Variants in ITCH observed in about 807,000 individuals in gnomAD.
ITCH encodes itchy E3 ubiquitin protein ligase.
ITCH carries 28 observed loss-of-function variants against 126.8 expected under a neutral mutation model. The observed-to-expected ratio is 0.22, with a 90% CI of 0.16 to 0.30. ITCH has a LOEUF of 0.30. ITCH is among the 10% of genes least tolerant of loss of function. The pLI is 1.00. For missense variants in ITCH, 631 were observed against 1,032.4 expected (o/e 0.61, Z 5.33); for synonymous variants, 342 against 340.0 (o/e 1.01, Z -0.06).
At chr20:34,438,343 C>G in intron 7 of ITCH, 131 bp from the exon 8 acceptor site, 1 of 908,532 alleles carries the variant, frequency 1.1e-6, no homozygotes, top group South Asian at 1.5e-5. Flanking sequence ...TAAGGCTGAC[C>G]AGAAATTAAA....
chr20:34,449,280 T>C, intron 11 of ITCH, 131 bp from the exon 12 acceptor site: 2 of 629,798 alleles, frequency 3.2e-6, no homozygotes, highest in South Asian at 2.0e-5. Context: ...TCCATAACCA[T>C]GTGACACTTC....
At chr20:34,449,563 A>G (rs1169109991) in intron 12 of ITCH, 83 bp downstream of exon 12, 26 of 933,804 alleles carry the variant, frequency 2.8e-5, no homozygotes, top group Non-Finnish European at 4.6e-5. Context: ...ACAGATATTT[A>G]TGTCTGATAC....
At chr20:34,449,973 G>GTGA (rs1030194198) in intron 12 of ITCH, among the ~76,000 whole-genome samples, 5 of 152,148 alleles carry the variant, frequency 3.3e-5, no homozygotes, top group Non-Finnish European at 5.9e-5. Flanking sequence ...GGGGTTTTAC[G>GTGA]TGATGATGAT....
intron 8 of ITCH, 136 bp downstream of exon 8, chr20:34,438,767 C>T (rs910155380): frequency 8.3e-7 from 1 of 1,205,274 alleles, no homozygotes; most frequent in South Asian, 1.2e-5. Flanking sequence ...AAAGAATGAT[C>T]TTTCTGTAGG....
chr20:34,475,642 G>A (rs370358004), intron 16 of ITCH, among the ~76,000 whole-genome samples: 1 of 151,778 alleles, frequency 6.6e-6, no homozygotes, highest in Non-Finnish European at 1.5e-5. Context: ...GAGGGAGACC[G>A]TGGAAAGAGA....
intron 3 of ITCH, among the ~76,000 whole-genome samples, chr20:34,398,155 T>C (rs6088484): frequency 0.55 from 83,110 of 151,644 alleles, 23,276 homozygotes; most frequent in Admixed American, 0.64. Flanking sequence ...CTTGATCTCC[T>C]GGGGTCAGGT....
chr20:34,385,173 A>G (rs534387359), intron 2 of ITCH, among the ~76,000 whole-genome samples: 3 of 143,188 alleles, frequency 2.1e-5, no homozygotes, highest in East Asian at 2.1e-4. Flanking sequence ...ACATGCCACC[A>G]CGTCCAGCTA....
intron 17 of ITCH, 176 bp downstream of exon 17, chr20:34,478,036 TTCTA>T: frequency 1.3e-6 from 1 of 744,532 alleles, no homozygotes; most frequent in Non-Finnish European, 2.1e-6. Flanking sequence ...ATTCAGCACT[TTCTA>T]TGTCATGTAC....
chr20:34,403,859 T>C (rs957170063), intron 3 of ITCH, among the ~76,000 whole-genome samples: 1 of 152,178 alleles, frequency 6.6e-6, no homozygotes, highest in Non-Finnish European at 1.5e-5. Context: ...GGAATGAAAG[T>C]ACATGGCCCA....
At chr20:34,380,995 C>T (rs2038039074) in intron 2 of ITCH, among the ~76,000 whole-genome samples, 3 of 151,466 alleles carry the variant, frequency 2.0e-5, no homozygotes, top group Non-Finnish European at 4.4e-5. Context: ...ACCATGTTGG[C>T]CAGGCTGGTC....
chr20:34,396,253 C>G (rs923187249), intron 3 of ITCH, among the ~76,000 whole-genome samples: 1 of 151,754 alleles, frequency 6.6e-6, no homozygotes, highest in Non-Finnish European at 1.5e-5. Context: ...AGGCTGGTCT[C>G]GAACTCCTGA....
chr20:34,399,262 C>T (rs573037977), intron 3 of ITCH, among the ~76,000 whole-genome samples: 1 of 152,148 alleles, frequency 6.6e-6, no homozygotes, highest in South Asian at 2.1e-4. Context: ...CATGGTGGCA[C>T]ATGCCTGTAA....
chr20:34,390,650 A>T (rs1016271124), intron 2 of ITCH, among the ~76,000 whole-genome samples: 1 of 151,852 alleles, frequency 6.6e-6, no homozygotes, highest in African/African-American at 2.4e-5. Context: ...AGGTTTCACT[A>T]TGTTGGCCAG....
At chr20:34,395,932 T>C (rs1256213278) in intron 3 of ITCH, among the ~76,000 whole-genome samples, 2 of 152,130 alleles carry the variant, frequency 1.3e-5, no homozygotes, top group African/African-American at 4.8e-5. Flanking sequence ...TGAGAATGTA[T>C]GTTTTCAGTT....
intron 2 of ITCH, among the ~76,000 whole-genome samples, chr20:34,378,469 C>A: frequency 2.4e-5 from 1 of 41,100 alleles, no homozygotes; most frequent in African/African-American, 1.3e-4. Context: ...GAAACTCTGT[C>A]TCAAAAAAAA....
rs1418107546 is a variant in ITCH at position 34,509,703 on chromosome 20, GA to G, written c.*1915del. The G allele has an allele frequency of 1.3e-5, 2 of 152,478 alleles. No homozygotes were observed. The highest frequency in any genetic ancestry group is 1.3e-4 in the Admixed American group (2 of 15,266). The allele number at this position is 152,478 out of a possible 1,614,324, so 9.4% of individuals were successfully genotyped here. A position where few individuals can be genotyped will look rare whatever the true frequency, so the allele number is the denominator to read the frequency against. Reference sequence around the variant, plus strand: ...GACTCTGCCTTTTTGTTGGTAGGGAGAAAAAACGCTATTGCTTTGTCTTACA... The same window carrying G: ...GACTCTGCCTTTTTGTTGGTAGGGAGAAAAACGCTATTGCTTTGTCTTACA... On this transcript the variant is annotated 3_prime_UTR_variant, in exon 25 of 25. Coordinates refer to ENST00000374864, the MANE Select transcript of ITCH (RefSeq NM_031483.7).
At chr20:34,475,259 C>T (rs1016011913) in intron 16 of ITCH, among the ~76,000 whole-genome samples, 3 of 152,118 alleles carry the variant, frequency 2.0e-5, no homozygotes, top group Admixed American at 6.5e-5. Flanking sequence ...TGGTGGCGGC[C>T]GGGCAGAGGC....
chr20:34,413,637 T>C, intron 5 of ITCH, 105 bp from the exon 6 acceptor site: 1 of 1,036,790 alleles, frequency 9.6e-7, no homozygotes, highest in Non-Finnish European at 1.4e-6. Flanking sequence ...CACATATAGT[T>C]ATATTTTCTC....
chr20:34,456,874 G>C lies in ITCH; in HGVS notation c.1211-516G>C, dbSNP rs540639322. Among the ~76,000 whole-genome samples, 20 of 150,752 alleles carry C rather than the reference G, an allele frequency of 1.3e-4. No homozygotes were observed. In the South Asian group the frequency reaches 4.2e-3, roughly 32 times the overall value. Reference sequence around the variant, plus strand: ...TGGGATTACAGGCCTGAGCCACCCCGCCTGGCACCTTACTATATTTTAATG... The same window carrying C: ...TGGGATTACAGGCCTGAGCCACCCCCCCTGGCACCTTACTATATTTTAATG... On this transcript the variant is annotated intron_variant, in intron 12 of 24. Coordinates refer to ENST00000374864, the MANE Select transcript of ITCH (RefSeq NM_031483.7).
Sources: gnomAD v4.1 joint callset for allele counts (sites outside exome capture counted in the v4.1 genomes callset) on GRCh38, gnomAD v4.1.1 for gene constraint, MANE v1.5 for transcripts, NCBI Gene and HGNC (gene_info 2026-07-23, HGNC 2026-07-21) for gene names.